The following ATRNL1 variants were observed in gnomAD, a reference collection of about 807,000 sequenced individuals.
ATRNL1 encodes the protein attractin like 1.
In ATRNL1, 95 loss-of-function variants were observed where a neutral mutation model predicts 182.7. The observed-to-expected ratio is 0.52, with a 90% CI of 0.44 to 0.62. The LOEUF is 0.62. Among genes scored for constraint, ATRNL1 ranks in the 20% least tolerant of loss-of-function variants. The pLI is 0.00. For synonymous variants in ATRNL1, 576 were observed against 568.3 expected (o/e 1.01, Z -0.19); for missense variants, 1,471 against 1,679.5 (o/e 0.88, Z 2.17).
chr10:115,483,017 A>G (rs1437618616), intron 24 of ATRNL1, among the ~76,000 whole-genome samples: 12 of 151,308 alleles, frequency 7.9e-5, no homozygotes, highest in Admixed American at 7.9e-4. Context: ...ATAAAATGGT[A>G]TGTTTTAACA....
At chr10:115,281,203 G>T in intron 13 of ATRNL1, 152 bp from the exon 14 acceptor site, 1 of 578,390 alleles carries the variant, frequency 1.7e-6, no homozygotes, top group Admixed American at 4.2e-5. Flanking sequence ...ATAAACTAAT[G>T]AAATAAATAA....
chr10:115,197,351 T>A (rs1848401006), intron 8 of ATRNL1, among the ~76,000 whole-genome samples: 1 of 152,122 alleles, frequency 6.6e-6, no homozygotes, highest in Non-Finnish European at 1.5e-5. Flanking sequence ...AATATCTTTA[T>A]ATGGTTTTGT....
intron 5 of ATRNL1, among the ~76,000 whole-genome samples, chr10:115,131,066 C>T (rs1845211013): frequency 6.6e-6 from 1 of 151,856 alleles, no homozygotes; most frequent in African/African-American, 2.4e-5. Context: ...TTGGCCTTTT[C>T]ATATCCTATT....
chr10:115,312,741 A>G (rs1344116594), intron 17 of ATRNL1, among the ~76,000 whole-genome samples: 2 of 152,114 alleles, frequency 1.3e-5, no homozygotes, highest in African/African-American at 4.8e-5. Context: ...CAGGAACACC[A>G]GTGATTGTTA....
intron 18 of ATRNL1, among the ~76,000 whole-genome samples, chr10:115,326,712 C>A (rs1199197915): frequency 6.6e-6 from 1 of 151,772 alleles, no homozygotes; most frequent in Admixed American, 6.6e-5. Context: ...ACCAAAACAG[C>A]ATGGTACTGG....
chr10:115,215,196 C>T (rs782113478), intron 8 of ATRNL1, among the ~76,000 whole-genome samples: 1 of 152,126 alleles, frequency 6.6e-6, no homozygotes, highest in Non-Finnish European at 1.5e-5. Flanking sequence ...TTTAGGTTTT[C>T]ATCCTCTGCA....
At chr10:115,167,610 T>G (rs930687896) in intron 7 of ATRNL1, among the ~76,000 whole-genome samples, 4 of 152,072 alleles carry the variant, frequency 2.6e-5, no homozygotes, top group Non-Finnish European at 4.4e-5. Context: ...TGAATTTATA[T>G]GTTTTCTGTG....
chr10:115,509,612 C>T (rs934544062), intron 24 of ATRNL1, among the ~76,000 whole-genome samples: 1 of 151,948 alleles, frequency 6.6e-6, no homozygotes, highest in African/African-American at 2.4e-5. Context: ...TCCCCAGAAG[C>T]CTTGCAGATG....
intron 24 of ATRNL1, among the ~76,000 whole-genome samples, chr10:115,499,423 C>A (rs903846360): frequency 6.6e-6 from 1 of 151,914 alleles, no homozygotes. Context: ...GTGTGAACAC[C>A]GAAAAGATGA....
At chr10:115,410,816 C>T (rs1308732582) in intron 20 of ATRNL1, among the ~76,000 whole-genome samples, 1 of 152,008 alleles carries the variant, frequency 6.6e-6, no homozygotes, top group Non-Finnish European at 1.5e-5. Flanking sequence ...TGGCTCACTG[C>T]AACCTCTGCC....
intron 5 of ATRNL1, among the ~76,000 whole-genome samples, chr10:115,138,603 T>C (rs369349198): frequency 2.3e-4 from 35 of 152,190 alleles, no homozygotes; most frequent in Non-Finnish European, 3.5e-4. Context: ...TTTTTAGCCA[T>C]GGCTGGAGTG....
intron 4 of ATRNL1, 68 bp downstream of exon 4, chr10:115,127,789 GTTTATT>G: frequency 8.5e-7 from 1 of 1,175,752 alleles, no homozygotes; most frequent in Non-Finnish European, 1.1e-6. Context: ...GGTTTTTTTT[GTTTATT>G]TTTATTAATG....
chr10:115,377,697 A>T (rs940274726), intron 19 of ATRNL1, among the ~76,000 whole-genome samples: 1 of 152,186 alleles, frequency 6.6e-6, no homozygotes, highest in South Asian at 2.1e-4. Flanking sequence ...GACAGTCTGT[A>T]TATGTCTTTA....
At chr10:115,242,144 A>G (rs544037079) in intron 10 of ATRNL1, among the ~76,000 whole-genome samples, 2 of 152,162 alleles carry the variant, frequency 1.3e-5, no homozygotes, top group African/African-American at 4.8e-5. Context: ...TATATTAAAC[A>G]TTTCCGATAT....
At chr10:115,800,037 A>G (rs1485136038) in intron 27 of ATRNL1, among the ~76,000 whole-genome samples, 1 of 152,090 alleles carries the variant, frequency 6.6e-6, no homozygotes, top group East Asian at 1.9e-4. Context: ...CCTGACCAAC[A>G]TGGAGAAACC....
At chr10:115,262,986 CT>C (rs1469370359) in intron 10 of ATRNL1, among the ~76,000 whole-genome samples, 2 of 151,724 alleles carry the variant, frequency 1.3e-5, no homozygotes, top group East Asian at 1.9e-4. Context: ...TTTCTTATAC[CT>C]CTTGGAAATC....
chr10:115,278,804 T>C (rs1484695747), intron 13 of ATRNL1, among the ~76,000 whole-genome samples: 2 of 152,194 alleles, frequency 1.3e-5, no homozygotes, highest in African/African-American at 4.8e-5. Context: ...CAATTTGCAA[T>C]GTCAAGTCAG....
chr10:115,611,276 GTA>G lies in ATRNL1; in HGVS notation c.3795+61742_3795+61743del, dbSNP rs570619758. Among the ~76,000 whole-genome samples, 18 of 152,096 alleles carry G rather than the reference GTA, an allele frequency of 1.2e-4. No individual in the cohort carries two copies. In the East Asian group the frequency reaches 3.3e-3, roughly 28 times the overall value. On this transcript the variant is annotated intron_variant, in intron 26 of 28. Transcript: ENST00000355044. Reference sequence around the variant, plus strand: ...AATGTGCAATCCTTAATTATAAGTAGTATTTCGGGCTTACAAAATATATGCAT... The same window carrying G: ...AATGTGCAATCCTTAATTATAAGTAGTTTCGGGCTTACAAAATATATGCAT...
intron 20 of ATRNL1, among the ~76,000 whole-genome samples, chr10:115,400,151 T>C (rs1168835940): frequency 6.6e-6 from 1 of 152,024 alleles, no homozygotes; most frequent in Admixed American, 6.6e-5. Context: ...AAGACATATA[T>C]GTGGCCAAAA....
Sources: allele counts gnomAD v4.1 joint callset (sites outside exome capture counted in the v4.1 genomes callset), GRCh38; gene constraint gnomAD v4.1.1; transcripts MANE v1.5; gene names NCBI Gene and HGNC (gene_info 2026-07-23, HGNC 2026-07-21).